CDKAL1: variants seen among roughly 807,000 people sequenced by gnomAD.
CDKAL1 encodes the protein threonylcarbamoyladenosine tRNA methylthiotransferase.
CDKAL1 carries 32 observed loss-of-function variants against 68.2 expected under a neutral mutation model. The ratio of observed to expected loss-of-function variants is 0.47; its 90% CI spans 0.35 to 0.63. The LOEUF (loss-of-function observed/expected upper bound fraction) is 0.63, where lower values mean the gene tolerates loss of function less well. CDKAL1 is among the 30% of genes least tolerant of loss of function. CDKAL1 has a pLI of 0.00. For missense variants in CDKAL1, 606 were observed against 696.7 expected (o/e 0.87, Z 1.47); for synonymous variants, 234 against 244.3 (o/e 0.96, Z 0.39).
chr6:20,652,541 C>T (rs2127763298), intron 5 of CDKAL1, among the ~76,000 whole-genome samples: 1 of 152,158 alleles, frequency 6.6e-6, no homozygotes, highest in East Asian at 1.9e-4. Flanking sequence ...TCCATATTTC[C>T]AACCTCTCCA....
chr6:20,960,634 T>A (rs1765007979), intron 10 of CDKAL1, among the ~76,000 whole-genome samples: 1 of 152,218 alleles, frequency 6.6e-6, no homozygotes. Context: ...CTAATAAATG[T>A]TTACTGAATG....
At chr6:20,926,821 C>G (rs1271591242) in intron 9 of CDKAL1, among the ~76,000 whole-genome samples, 1 of 151,282 alleles carries the variant, frequency 6.6e-6, no homozygotes, top group African/African-American at 2.4e-5. Context: ...AGTGAGACTT[C>G]TTGAGAAATG....
At chr6:20,954,750 G>A (rs1764695810) in intron 9 of CDKAL1, among the ~76,000 whole-genome samples, 1 of 152,020 alleles carries the variant, frequency 6.6e-6, no homozygotes, top group Non-Finnish European at 1.5e-5. Context: ...CAATAATAAC[G>A]ACAAGAATAT....
intron 4 of CDKAL1, among the ~76,000 whole-genome samples, chr6:20,549,732 A>C (rs9460519): frequency 0.021 from 3,256 of 151,864 alleles, 103 homozygotes; most frequent in African/African-American, 0.073. Context: ...TCAGCCTCCC[A>C]AGTAGCTAGG....
intron 4 of CDKAL1, among the ~76,000 whole-genome samples, chr6:20,632,693 G>C (rs1395563677): frequency 2.0e-5 from 3 of 152,120 alleles, no homozygotes; most frequent in African/African-American, 7.2e-5. Flanking sequence ...GTTCATTCAT[G>C]TATTTATTCT....
At chr6:20,957,758 G>T (rs1764848769) in intron 10 of CDKAL1, among the ~76,000 whole-genome samples, 1 of 152,044 alleles carries the variant, frequency 6.6e-6, no homozygotes, top group Admixed American at 6.5e-5. Flanking sequence ...ATCACTTGAG[G>T]TCAGGAGTTT....
chr6:21,229,378 G>T (rs911210525), intron 15 of CDKAL1, among the ~76,000 whole-genome samples: 2 of 152,038 alleles, frequency 1.3e-5, no homozygotes, highest in African/African-American at 4.8e-5. Flanking sequence ...CATTTCATCT[G>T]TTGCTACAAC....
At position 21,144,928 on chromosome 6, in the gene CDKAL1, G is replaced by A. The variant is rs1029582487; in HGVS notation, c.1299+36465G>A. 2.0e-5 allele frequency among the ~76,000 whole-genome samples: 3 copies of A among 152,292 alleles called. No homozygotes were observed. The East Asian group carries it at 5.8e-4, about 29-fold the overall frequency. On this transcript the variant is annotated intron_variant, in intron 13 of 15. Coordinates refer to ENST00000274695, the MANE Select transcript of CDKAL1 (RefSeq NM_017774.3). ...TATTTTCTAAGATTTTCTGCTTGAA[G>A]TATTCTTATTTGCTTTAAATCTGAG...
chr6:20,936,956 C>G (rs1314162524), intron 9 of CDKAL1, among the ~76,000 whole-genome samples: 1 of 152,116 alleles, frequency 6.6e-6, no homozygotes, highest in Admixed American at 6.5e-5. Context: ...AGTCCTTTGC[C>G]CTGATAACCC....
intron 15 of CDKAL1, among the ~76,000 whole-genome samples, chr6:21,211,215 A>G (rs1779136103): frequency 6.6e-6 from 1 of 152,244 alleles, no homozygotes; most frequent in Non-Finnish European, 1.5e-5. Flanking sequence ...AAAGGAACCA[A>G]CGCAACGTGA....
intron 6 of CDKAL1, among the ~76,000 whole-genome samples, chr6:20,749,716 T>G (rs1773831715): frequency 6.6e-6 from 1 of 151,528 alleles, no homozygotes; most frequent in Non-Finnish European, 1.5e-5. Context: ...CCTGGCTATT[T>G]TTTTGTATTT....
intron 9 of CDKAL1, among the ~76,000 whole-genome samples, chr6:20,850,658 G>A (rs1182690429): frequency 6.6e-6 from 1 of 151,964 alleles, no homozygotes; most frequent in Non-Finnish European, 1.5e-5. Flanking sequence ...GGCTGGTCTT[G>A]AACTCCTGGC....
At chr6:21,092,381 C>T (rs1020504223) in intron 12 of CDKAL1, among the ~76,000 whole-genome samples, 60 of 151,856 alleles carry the variant, frequency 4.0e-4, no homozygotes, top group African/African-American at 1.3e-3. Context: ...GCCCCACAGG[C>T]ATTAGGTATT....
chr6:20,576,596 C>T (rs1160736406), intron 4 of CDKAL1, among the ~76,000 whole-genome samples: 1 of 152,164 alleles, frequency 6.6e-6, no homozygotes, highest in Admixed American at 6.5e-5. Context: ...ATTTTTACTC[C>T]TGGGTAATGC....
Position 21,095,741 on chromosome 6 carries a change from CAT to C in CDKAL1, c.1237-12658_1237-12657del, listed in dbSNP as rs1311774094. ...GAAAATCAACTGATTTCTGAAGTGACATAAAGACGAGAGAATGGAGAAGATTG... is the reference window on the plus strand; with the variant it reads ...GAAAATCAACTGATTTCTGAAGTGACAAAGACGAGAGAATGGAGAAGATTG... On this transcript the variant is annotated intron_variant, in intron 12 of 15. Coordinates refer to ENST00000274695, the MANE Select transcript of CDKAL1 (RefSeq NM_017774.3). Among the ~76,000 whole-genome samples, 14 of 152,096 alleles carry C rather than the reference CAT, an allele frequency of 9.2e-5. No individual in the cohort carries two copies. In the East Asian group the frequency reaches 2.5e-3, roughly 27 times the overall value.
intron 4 of CDKAL1, chr6:20,599,463 G>A: frequency 2.5e-6 from 1 of 401,930 alleles, no homozygotes; most frequent in Non-Finnish European, 5.0e-6. Flanking sequence ...TTTGACCCAT[G>A]CTATGCAAAC....
At chr6:20,949,742 G>A (rs1764430292) in intron 9 of CDKAL1, among the ~76,000 whole-genome samples, 2 of 151,776 alleles carry the variant, frequency 1.3e-5, no homozygotes, top group South Asian at 2.1e-4. Flanking sequence ...GAGGGTTGGA[G>A]GCACAGGAGA....
At chr6:20,927,482 T>C (rs559509886) in intron 9 of CDKAL1, among the ~76,000 whole-genome samples, 2 of 152,222 alleles carry the variant, frequency 1.3e-5, no homozygotes, top group Non-Finnish European at 1.5e-5. Context: ...TATTGCCTAT[T>C]AATAATGCAA....
chr6:20,798,561 C>T (rs1776212227), intron 8 of CDKAL1, among the ~76,000 whole-genome samples: 1 of 152,044 alleles, frequency 6.6e-6, no homozygotes, highest in Non-Finnish European at 1.5e-5. Flanking sequence ...GGCACATATA[C>T]ACCATGGAAT....
Sources: gnomAD v4.1 joint callset for allele counts (sites outside exome capture counted in the v4.1 genomes callset) on GRCh38, gnomAD v4.1.1 for gene constraint, MANE v1.5 for transcripts, NCBI Gene and HGNC (gene_info 2026-07-23, HGNC 2026-07-21) for gene names.